CLEC17A: variants seen among roughly 807,000 people sequenced by gnomAD.
CLEC17A encodes C-type lectin domain containing 17A, also known as C-type lectin domain family 17, member A.
A neutral mutation model predicts 61.3 loss-of-function variants in CLEC17A; 37 were observed. The ratio of observed to expected loss-of-function variants is 0.60; its 90% CI spans 0.46 to 0.79. The LOEUF (loss-of-function observed/expected upper bound fraction) is 0.79. Ranked by LOEUF, CLEC17A falls within the 30% of genes least tolerant of loss-of-function variation. The probability of loss-of-function intolerance (pLI) is 0.00; values close to 1 mark genes in which losing one functional copy is unlikely to be tolerated. For synonymous variants in CLEC17A, 168 were observed against 164.9 expected (o/e 1.02, Z -0.14); for missense variants, 418 against 464.7 (o/e 0.90, Z 0.92).
At chr19:14,583,267 C>A in intron 1 of CLEC17A, 64 bp downstream of exon 1, 1 of 1,613,304 alleles carries the variant, frequency 6.2e-7, no homozygotes. Flanking sequence ...TACAGAATCC[C>A]CACCATGGGG....
At chr19:14,598,756 T>C (rs2074623952) in intron 10 of CLEC17A, among the ~76,000 whole-genome samples, 1 of 152,158 alleles carries the variant, frequency 6.6e-6, no homozygotes, top group African/African-American at 2.4e-5. Flanking sequence ...ATTATGGGCA[T>C]GAGCCACTGC....
At chr19:14,598,434 CTCCTTCCTTCCTTCTT>C (rs2074611727) in intron 10 of CLEC17A, among the ~76,000 whole-genome samples, 1 of 148,252 alleles carries the variant, frequency 6.7e-6, no homozygotes, top group African/African-American at 2.5e-5. Flanking sequence ...CTCCCTCTTT[CTCCTTCCTTCCTTCTT>C]TCCTTCCTTC....
chr19:14,591,515 G>A (rs1345941621), intron 3 of CLEC17A, among the ~76,000 whole-genome samples: 1 of 150,886 alleles, frequency 6.6e-6, no homozygotes, highest in Non-Finnish European at 1.5e-5. Flanking sequence ...CGCTATCTCG[G>A]CTCACTGCAA....
chr19:14,607,550 A>T (rs10416332), intron 13 of CLEC17A, among the ~76,000 whole-genome samples: 6,778 of 141,488 alleles, frequency 0.048, 572 homozygotes, highest in African/African-American at 0.17. Flanking sequence ...ATTTTATTTT[A>T]TTATTTATTT....
chr19:14,598,605 C>T (rs563724612), intron 10 of CLEC17A, among the ~76,000 whole-genome samples: 3 of 152,120 alleles, frequency 2.0e-5, no homozygotes, highest in East Asian at 1.9e-4. Flanking sequence ...TCCTGAATAG[C>T]TCAGATTACA....
rs1213410898 is a variant in CLEC17A, at chr19:14,611,449, C to T, written c.*1253C>T. On this transcript the variant is annotated 3_prime_UTR_variant, in exon 14 of 14. Coordinates refer to ENST00000417570, the MANE Select transcript of CLEC17A (RefSeq NM_001204118.2). Reference sequence around the variant, plus strand: ...CTGGAGTGCAGTGGCACAATCATAGCTTACTGCACCCTCTGCCTCCTGGGC... The same window carrying T: ...CTGGAGTGCAGTGGCACAATCATAGTTTACTGCACCCTCTGCCTCCTGGGC... 7.3e-6 allele frequency among the ~76,000 whole-genome samples: 1 copy of T among 136,842 alleles called. No homozygotes were observed. The highest frequency in any genetic ancestry group is 2.8e-5 in the African/African-American group (1 of 36,216). The allele number at this position is 136,842 out of a possible 152,430, so 89.8% of individuals were successfully genotyped here.
chr19:14,592,957 C>A (rs1309394835), intron 4 of CLEC17A, among the ~76,000 whole-genome samples: 1 of 152,048 alleles, frequency 6.6e-6, no homozygotes, highest in African/African-American at 2.4e-5. Context: ...TGAGCCACCA[C>A]GCCTGGCCGA....
At chr19:14,581,746 G>A (rs1324726704), upstream of CLEC17A, among the ~76,000 whole-genome samples, 2 of 152,018 alleles carry the variant, frequency 1.3e-5, no homozygotes, top group African/African-American at 2.4e-5. Context: ...TCTACCTCCC[G>A]AGTTCAAACG....
Position 14,599,702 on chromosome 19 carries a change from C to T in CLEC17A, c.647-15C>T. 1 of 1,603,622 alleles carries T rather than the reference C, an allele frequency of 6.2e-7. No homozygotes were observed. The highest frequency in any genetic ancestry group is 8.5e-7 in the Non-Finnish European group (1 of 1,170,744). On this transcript the variant is annotated splice_polypyrimidine_tract_variant and intron_variant, in intron 10 of 13. Transcript: ENST00000417570. ...GTTCTCAGTCTGTAGCCCTCAAGCCCATCCCTTCTGACAGTGACTGGCATG... is the reference window on the plus strand; with the variant it reads ...GTTCTCAGTCTGTAGCCCTCAAGCCTATCCCTTCTGACAGTGACTGGCATG...
In CLEC17A at chr19:14,611,210, C is replaced by T. The variant is rs2075032194; in HGVS notation, c.*1014C>T. ...TATATTCACCCCATGTCGTCCTCTC[C>T]AGACACTGCTTCCTTCCTGGTCTCA... On this transcript the variant is annotated 3_prime_UTR_variant, in exon 14 of 14. Coordinates refer to ENST00000417570, the MANE Select transcript of CLEC17A (RefSeq NM_001204118.2). 1 of 152,020 alleles carries T rather than the reference C, an allele frequency of 6.6e-6. No homozygotes were observed. The highest frequency in any genetic ancestry group is 2.1e-4 in the South Asian group (1 of 4,826). 9.4% of individuals were successfully genotyped at this position (152,020 alleles called of 1,614,324 possible). A position where few individuals can be genotyped will look rare whatever the true frequency, so the allele number is the denominator to read the frequency against.
chr19:14,601,433 A>C (rs538402523), intron 12 of CLEC17A, among the ~76,000 whole-genome samples: 7 of 152,300 alleles, frequency 4.6e-5, no homozygotes, highest in African/African-American at 1.7e-4. Context: ...ACTACAATTT[A>C]GGTAGTATTA....
chr19:14,610,305 C>T lies in CLEC17A; in HGVS notation c.*109C>T. ...CTTCGTGAGTGGACACACAGATGTG[C>T]CTCAAACAGGATTGGCACCCTGGAT... On this transcript the variant is annotated 3_prime_UTR_variant, in exon 14 of 14. Coordinates refer to ENST00000417570, the MANE Select transcript of CLEC17A (RefSeq NM_001204118.2). 6.9e-7 allele frequency: 1 copy of T among 1,447,082 alleles called. No individual in the cohort carries two copies. Among genetic ancestry groups the T allele is most frequent in the Non-Finnish European group, 9.2e-7 (1 of 1,082,950 alleles). 89.6% of individuals were successfully genotyped at this position (1,447,082 alleles called of 1,614,324 possible). A position where few individuals can be genotyped will look rare whatever the true frequency, so the allele number is the denominator to read the frequency against.
intron 3 of CLEC17A, among the ~76,000 whole-genome samples, chr19:14,591,556 C>CCTT (rs781744420): frequency 1.0e-4 from 14 of 136,858 alleles, no homozygotes; most frequent in African/African-American, 3.9e-4. Flanking sequence ...TCTCCTTCCT[C>CCTT]TTTTTTTTTT....
chr19:14,594,359 C>T lies in CLEC17A; in HGVS notation c.278-158C>T, dbSNP rs1294878865. 82 of 849,684 alleles carry T rather than the reference C, an allele frequency of 9.7e-5. 1 individual carries two copies. The South Asian group carries it at 1.1e-3, about 11-fold the overall frequency. The allele number at this position is 849,684 out of a possible 1,614,324, so 52.6% of individuals were successfully genotyped here. ...AGGTTCGTTGGTCACCCTACTTAAT[C>T]CCATCTCCATCCCTAATCCCAATTG... On this transcript the variant is annotated intron_variant, in intron 4 of 13. Transcript: ENST00000417570.
intron 12 of CLEC17A, among the ~76,000 whole-genome samples, chr19:14,605,603 TC>T (rs1275818971): frequency 2.0e-5 from 3 of 152,164 alleles, no homozygotes; most frequent in Non-Finnish European, 2.9e-5. Context: ...AGTTAATCCC[TC>T]CCTGCCCCCT....
At chr19:14,583,695 G>C (rs2074220282) in intron 2 of CLEC17A, among the ~76,000 whole-genome samples, 1 of 151,906 alleles carries the variant, frequency 6.6e-6, no homozygotes, top group South Asian at 2.1e-4. Context: ...TCAAATAGAG[G>C]AAGGGACTTT....
chr19:14,592,422 G>T, intron 4 of CLEC17A, 64 bp downstream of exon 4: 2 of 1,601,262 alleles, frequency 1.2e-6, no homozygotes, highest in Non-Finnish European at 1.7e-6. Flanking sequence ...AGGAGGCATT[G>T]GCTGGGCATT....
intron 7 of CLEC17A, 144 bp downstream of exon 7, chr19:14,594,944 T>G: frequency 1.2e-6 from 1 of 830,522 alleles, no homozygotes; most frequent in South Asian, 1.6e-5. Flanking sequence ...CGATACTGGC[T>G]CACTGCAACC....
At position 14,596,957 on chromosome 19, in the gene CLEC17A, T is replaced by A. The variant is rs780540242; in HGVS notation, c.527T>A (p.Leu176Gln). ...AGGTGGATGGTGTACCTGTGTCTGCTGGTGGTGACTTCCCTGTTCCTGGGC... is the reference window on the plus strand; with the variant it reads ...AGGTGGATGGTGTACCTGTGTCTGCAGGTGGTGACTTCCCTGTTCCTGGGC... ...QKRWMVYLCL[L>Q]VVTSLFLGCL... is the part of the protein sequence containing the mutation. The change falls in exon 9 of 14, where the codon CTG (leucine) becomes CAG (glutamine). Residue 176 changes from leucine to glutamine, a missense_variant. Physicochemically the swap from Leu to Gln is moderately radical, Grantham distance 113 (BLOSUM62 -2). Transcript: ENST00000417570. 6.2e-7 allele frequency: 1 copy of A among 1,608,796 alleles called. No homozygotes were observed. Among genetic ancestry groups the A allele is most frequent in the South Asian group, 1.1e-5 (1 of 89,764 alleles).
Sources: gnomAD v4.1 joint callset for allele counts (sites outside exome capture counted in the v4.1 genomes callset) on GRCh38, gnomAD v4.1.1 for gene constraint, MANE v1.5 for transcripts, NCBI Gene and HGNC (gene_info 2026-07-23, HGNC 2026-07-21) for gene names.